Variants in AIFM1 observed in about 807,000 individuals in gnomAD.
The protein encoded by AIFM1 is apoptosis-inducing factor 1, mitochondrial.
A neutral mutation model predicts 51.7 loss-of-function variants in AIFM1; 3 were observed. The observed-to-expected ratio is 0.06, with a 90% CI of 0.03 to 0.15. The LOEUF (loss-of-function observed/expected upper bound fraction) is 0.15. Ranked by LOEUF, AIFM1 falls within the 10% of genes least tolerant of loss-of-function variation. The probability of loss-of-function intolerance (pLI) is 1.00; values close to 1 mark genes in which losing one functional copy is unlikely to be tolerated. For synonymous variants in AIFM1, 178 were observed against 179.4 expected (o/e 0.99, Z 0.06); for missense variants, 330 against 476.8 (o/e 0.69, Z 2.87).
In AIFM1 at chrX:130,154,490, T is replaced by G. The variant is rs185592790; in HGVS notation, c.249+1971A>C. 4.6e-4 allele frequency among the ~76,000 whole-genome samples: 52 copies of G among 112,436 alleles called. 1 individual carries two copies. Among genetic ancestry groups the G allele is most frequent in the Admixed American group, 3.8e-3 (40 of 10,589 alleles). ...AAGGCTCAGAGGGTAGTATCTGAAT[T>G]ACGAATGAGAGGCATTACAGAAAGC... On this transcript the variant is annotated intron_variant, in intron 2 of 15. Transcript: ENST00000287295.
intron 1 of AIFM1, among the ~76,000 whole-genome samples, chrX:130,161,181 T>C (rs1032908476): frequency 9.0e-6 from 1 of 111,152 alleles, no homozygotes; most frequent in Admixed American, 9.6e-5. Flanking sequence ...TCTTGAGACT[T>C]GTTTCCTGAG....
In AIFM1 at chrX:130,137,196, G is replaced by C. The variant is rs2030382200; in HGVS notation, c.968-11C>G. On this transcript the variant is annotated splice_polypyrimidine_tract_variant and intron_variant, in intron 9 of 15. Coordinates refer to ENST00000287295, the MANE Select transcript of AIFM1 (RefSeq NM_004208.4). Reference sequence around the variant, plus strand: ...TGCCCAAGGCTCGAGCTGGGAAGAAGAAACAGAGTAGTTACAGCAGGAAGC... The same window carrying C: ...TGCCCAAGGCTCGAGCTGGGAAGAACAAACAGAGTAGTTACAGCAGGAAGC... 8.3e-7 allele frequency: 1 copy of C among 1,209,126 alleles called. No homozygotes were observed. Among genetic ancestry groups the C allele is most frequent in the South Asian group, 1.8e-5 (1 of 56,784 alleles).
intron 6 of AIFM1, among the ~76,000 whole-genome samples, chrX:130,143,696 C>CAAA (rs11390300): frequency 8.0e-5 from 8 of 99,844 alleles, no homozygotes; most frequent in African/African-American, 2.2e-4. Context: ...ACTAAAAAGA[C>CAAA]AAAAAAAAAA....
chrX:130,162,417 G>T (rs1451060547), intron 1 of AIFM1, among the ~76,000 whole-genome samples: 1 of 111,875 alleles, frequency 8.9e-6, no homozygotes, highest in Non-Finnish European at 1.9e-5. Context: ...GTTAGGAACT[G>T]GTTCTCTACT....
chrX:130,147,856 G>T lies in AIFM1; in HGVS notation c.370C>A (p.Pro124Thr), dbSNP rs751325295. 4.1e-6 allele frequency: 5 copies of T among 1,211,572 alleles called. No individual in the cohort carries two copies. Among genetic ancestry groups the T allele is most frequent in the Non-Finnish European group, 5.6e-6 (5 of 895,431 alleles). The part of the protein sequence containing the change: ...ALSASEGEEV[P>T]QDKAPSHVPF... ...ACATGACTTGGCGCCTTGTCTTGAG[G>T]AACTTCCTCTCCTTCTGAAGCTGAA... is the stretch of plus-strand genomic sequence containing the variant. The change falls in exon 4 of 16, where the codon CCT becomes ACT. Residue 124 changes from proline to threonine, a missense_variant. By Grantham distance (38) the Pro-to-Thr change is conservative. Coordinates refer to ENST00000287295, the MANE Select transcript of AIFM1 (RefSeq NM_004208.4).
rs1244913730 is a variant in AIFM1 at position 130,139,651 on chromosome X, C to T, written c.858+144G>A. On this transcript the variant is annotated intron_variant, in intron 8 of 15. Coordinates refer to ENST00000287295, the MANE Select transcript of AIFM1 (RefSeq NM_004208.4). The stretch of plus-strand genomic sequence containing the variant: ...TCTGAGGTGCAGAGAGAGGAAGTGA[C>T]TTGTTCAAGGCCAGATAACAAGTCT... The T allele has an allele frequency of 5.5e-6, 3 of 546,210 alleles. No individual in the cohort carries two copies. The Admixed American group carries it at 7.9e-5, about 14-fold the overall frequency. The allele number at this position is 546,210 out of a possible 1,213,427, so 45.0% of individuals were successfully genotyped here. A position where few individuals can be genotyped will look rare whatever the true frequency, so the allele number is the denominator to read the frequency against.
At chrX:130,147,959 A>G in intron 3 of AIFM1, 83 bp from the exon 4 acceptor site, 1 of 1,132,530 alleles carries the variant, frequency 8.8e-7, no homozygotes, top group Non-Finnish European at 1.2e-6. Context: ...ATCACCTTGC[A>G]CTTGTCTCAA....
At chrX:130,160,658 TC>T (rs1027372471) in intron 1 of AIFM1, among the ~76,000 whole-genome samples, 1 of 111,911 alleles carries the variant, frequency 8.9e-6, no homozygotes, top group African/African-American at 3.2e-5. Context: ...GCTCAAGTGA[TC>T]CTTCCACCTT....
Position 130,156,569 on chromosome X carries a change from T to G in AIFM1, c.141A>C (p.Glu47Asp), listed in dbSNP as rs369523358. ...NLFQRWHVPL[E>D]LQMTRQMASS... Reference sequence around the variant, plus strand: ...TAGCCATTTGTCTTGTCATCTGGAGTTCTAGAGGAACATGCCATCGCTGGA... The same window carrying G: ...TAGCCATTTGTCTTGTCATCTGGAGGTCTAGAGGAACATGCCATCGCTGGA... Residue 47 changes from glutamate to aspartate, a missense_variant, in exon 2 of 16, where the codon GAA becomes GAC. Around this residue, in one of 4 missense-constraint regions of AIFM1, gnomAD observed 110 missense variants for 103.1 expected, o/e 1.07. Coordinates refer to ENST00000287295, the MANE Select transcript of AIFM1 (RefSeq NM_004208.4). 1.3e-4 allele frequency: 153 copies of G among 1,209,356 alleles called. No individual in the cohort carries two copies. Among genetic ancestry groups the G allele is most frequent in the Non-Finnish European group, 1.7e-4 (149 of 895,015 alleles).
chrX:130,139,246 C>T (rs1175323784), intron 8 of AIFM1, among the ~76,000 whole-genome samples: 1 of 109,692 alleles, frequency 9.1e-6, no homozygotes, highest in Admixed American at 9.8e-5. Flanking sequence ...GCACAAGAAT[C>T]GCTTGAACCC....
intron 5 of AIFM1, among the ~76,000 whole-genome samples, chrX:130,146,493 A>G (rs868538261): frequency 1.1e-5 from 1 of 89,618 alleles, no homozygotes; most frequent in Non-Finnish European, 2.2e-5. Context: ...GTGTGTGTGT[A>G]TGCATATGTA....
rs1603222732 is a variant in AIFM1 at position 130,136,495 on chromosome X, G to A, written c.1164+148C>T. The A allele has an allele frequency of 8.7e-6, 5 of 573,589 alleles. No homozygotes were observed. The East Asian group carries it at 1.8e-4, about 21-fold the overall frequency. The allele number at this position is 573,589 out of a possible 1,213,427, so 47.3% of individuals were successfully genotyped here. ...CTGGCTCTCATCATTCTGTTTTAAT[G>A]GAGGGATGGTTAATTCGGAAAATTA... On this transcript the variant is annotated intron_variant, in intron 11 of 15. Coordinates refer to ENST00000287295, the MANE Select transcript of AIFM1 (RefSeq NM_004208.4).
At chrX:130,152,011 C>T (rs2124669586) in intron 2 of AIFM1, among the ~76,000 whole-genome samples, 1 of 109,343 alleles carries the variant, frequency 9.1e-6, no homozygotes, top group East Asian at 2.8e-4. Context: ...TGCACTCCAG[C>T]CTGGGCGACA....
intron 1 of AIFM1, among the ~76,000 whole-genome samples, chrX:130,165,216 G>A (rs1448971552): frequency 3.4e-5 from 3 of 89,380 alleles, no homozygotes; most frequent in East Asian, 8.1e-4. Context: ...AAATGACAAA[G>A]TCTACTTGAC....
chrX:130,132,023 C>A (rs1165037075), intron 13 of AIFM1, among the ~76,000 whole-genome samples: 1 of 111,553 alleles, frequency 9.0e-6, no homozygotes, highest in South Asian at 3.8e-4. Flanking sequence ...CAGGCACCCA[C>A]TACCACCCTG....
At chrX:130,164,793 A>G (rs898525175) in intron 1 of AIFM1, among the ~76,000 whole-genome samples, 1 of 111,786 alleles carries the variant, frequency 8.9e-6, no homozygotes, top group Non-Finnish European at 1.9e-5. Flanking sequence ...AGCTCTACCT[A>G]TTAATTAACT....
intron 6 of AIFM1, among the ~76,000 whole-genome samples, chrX:130,144,302 G>A (rs1461705068): frequency 4.5e-5 from 5 of 110,802 alleles, no homozygotes; most frequent in Admixed American, 1.9e-4. Context: ...TCCTCCTCAC[G>A]GCCAATGGTG....
At position 130,156,523 on chromosome X, in the gene AIFM1, T is replaced by C. The variant is rs142864613; in HGVS notation, c.187A>G (p.Lys63Glu). 46 of 1,209,668 alleles carry C rather than the reference T, an allele frequency of 3.8e-5. No homozygotes were observed. The highest frequency in any genetic ancestry group is 4.8e-5 in the Non-Finnish European group (43 of 894,879). ...QMASSGASGG[K>E]IDNSVLVLIV... The stretch of plus-strand genomic sequence containing the variant: ...AGGACTAACACAGAATTATCGATTT[T>C]GCCCCCTGATGCACCAGAGCTAGCC... The change falls in exon 2 of 16, where the codon AAA becomes GAA. Residue 63 changes from lysine to glutamate, a missense_variant. Lys to Glu is a moderately conservative substitution (Grantham distance 56, BLOSUM62 1). Around this residue, in one of 4 missense-constraint regions of AIFM1, gnomAD observed 110 missense variants for 103.1 expected, o/e 1.07. Coordinates refer to ENST00000287295, the MANE Select transcript of AIFM1 (RefSeq NM_004208.4).
At chrX:130,165,523 T>G in intron 1 of AIFM1, 28 bp downstream of exon 1, 7 of 1,149,937 alleles carry the variant, frequency 6.1e-6, no homozygotes, top group Non-Finnish European at 8.2e-6. Context: ...CCCTCGGACT[T>G]GGAGGTTGCC....
Sources: gnomAD v4.1 joint callset for allele counts (sites outside exome capture counted in the v4.1 genomes callset) on GRCh38, gnomAD v4.1.1 for gene constraint, gnomAD v4.1.1 regional missense constraint, MANE v1.5 for transcripts, NCBI Gene and HGNC (gene_info 2026-07-23, HGNC 2026-07-21) for gene names.